The following SULF2 variants were observed in gnomAD, a reference collection of about 807,000 sequenced individuals.
SULF2 encodes extracellular sulfatase Sulf-2.
A neutral mutation model predicts 107.7 loss-of-function variants in SULF2; 52 were observed. The observed-to-expected ratio is 0.48, with a 90% CI of 0.39 to 0.61. The LOEUF is 0.61. Ranked by LOEUF, SULF2 falls within the 20% of genes least tolerant of loss-of-function variation. The probability of loss-of-function intolerance (pLI) is 0.00; values close to 1 mark genes in which losing one functional copy is unlikely to be tolerated. For synonymous variants in SULF2, 460 were observed against 464.3 expected, an observed-to-expected ratio of 0.99 and a Z score of 0.12; for missense variants, 993 against 1,177.3, an observed-to-expected ratio of 0.84 and a Z score of 2.29.
chr20:47,768,582 C>T (rs929708962), intron 1 of SULF2, among the ~76,000 whole-genome samples: 9 of 152,268 alleles, frequency 5.9e-5, no homozygotes, highest in Non-Finnish European at 1.3e-4. Context: ...CACGCTAGGC[C>T]TCCTTGGCCT....
chr20:47,781,620 T>C (rs2090834859), intron 1 of SULF2, among the ~76,000 whole-genome samples: 1 of 152,128 alleles, frequency 6.6e-6, no homozygotes, highest in South Asian at 2.1e-4. Flanking sequence ...ACCTAAGTTA[T>C]GGTAACAGTC....
chr20:47,659,328 A>G (rs982203621), intron 20 of SULF2, 71 bp downstream of exon 20: 22 of 1,409,310 alleles, frequency 1.6e-5, no homozygotes, highest in Admixed American at 3.4e-5. Context: ...ATGGCATGCA[A>G]ATAGAATAGC....
chr20:47,674,339 C>G (rs903166394), intron 10 of SULF2, among the ~76,000 whole-genome samples: 10 of 152,234 alleles, frequency 6.6e-5, no homozygotes, highest in Admixed American at 2.6e-4. Context: ...GAAGGTCCCG[C>G]AGCCCAACTA....
intron 18 of SULF2, chr20:47,661,334 TCA>T (rs2146381092): frequency 6.5e-6 from 1 of 152,834 alleles, no homozygotes; most frequent in South Asian, 2.1e-4. Flanking sequence ...CCTTCCCCAG[TCA>T]CACTGGATTC....
At position 47,757,343 on chromosome 20, in the gene SULF2, C is replaced by T. The variant is rs942732149; in HGVS notation, c.21G>A (p.Val7=). 1 of 1,599,764 alleles carries T rather than the reference C, an allele frequency of 6.3e-7. No homozygotes were observed. Among genetic ancestry groups the T allele is most frequent in the African/African-American group, 1.3e-5 (1 of 74,848 alleles). The stretch of plus-strand genomic sequence containing the variant: ...ACACAGTTGCGGACAGCAAGCACAG[C>T]ACGAGGCTCGGGGGGCCCATCTTCT... MGPPSL[V]LCLLSATVFS... is the part of the protein sequence containing the mutation. Residue 7 remains valine, a synonymous_variant, in exon 2 of 21, where the codon GTG becomes GTA. Transcript: ENST00000688720.
chr20:47,743,745 C>T (rs983601426), intron 2 of SULF2, among the ~76,000 whole-genome samples: 1 of 152,184 alleles, frequency 6.6e-6, no homozygotes, highest in Admixed American at 6.5e-5. Flanking sequence ...GATCCGGATG[C>T]TCACTCGCCC....
At chr20:47,685,653 T>G (rs968910082) in intron 5 of SULF2, 1 of 152,394 alleles carries the variant, frequency 6.6e-6, no homozygotes, top group Non-Finnish European at 1.5e-5. Context: ...TAGCTGGGAC[T>G]ACGGGCTTGT....
At chr20:47,703,539 A>G (rs1002274102) in intron 3 of SULF2, among the ~76,000 whole-genome samples, 2 of 152,200 alleles carry the variant, frequency 1.3e-5, no homozygotes, top group African/African-American at 4.8e-5. Context: ...ATGTGGGACA[A>G]CTTGAGCCCT....
intron 1 of SULF2, among the ~76,000 whole-genome samples, chr20:47,759,351 A>C (rs6512472): frequency 0.03 from 4,609 of 152,254 alleles, 240 homozygotes; most frequent in African/African-American, 0.1. Flanking sequence ...CGAATGGACA[A>C]GTCAAGCTTC....
chr20:47,684,464 C>G lies in SULF2; in HGVS notation c.855G>C (p.Gln285His). Reference sequence around the variant, plus strand: ...TGGAGTCGTCCACCGACATGAGGGTCTGCAAGCGCTTCCGCTGGAGCATGT... The same window carrying G: ...TGGAGTCGTCCACCGACATGAGGGTGTGCAAGCGCTTCCGCTGGAGCATGT... ...FTNMLQRKRL[Q>H]TLMSVDDSME... Residue 285 changes from glutamine (Q) to histidine (H), a missense_variant, in exon 6 of 21, where the codon CAG (glutamine) becomes CAC (histidine). Transcript: ENST00000688720. 6.2e-7 allele frequency: 1 copy of G among 1,613,608 alleles called. No homozygotes were observed. The highest frequency in any genetic ancestry group is 8.5e-7 in the Non-Finnish European group (1 of 1,179,774).
intron 1 of SULF2, among the ~76,000 whole-genome samples, chr20:47,785,107 C>A (rs2090900434): frequency 6.6e-6 from 1 of 151,980 alleles, no homozygotes; most frequent in South Asian, 2.1e-4. Flanking sequence ...CGCCAGCCAG[C>A]GGGGTCAAAC....
At chr20:47,668,029 G>A (rs531188516) in intron 11 of SULF2, among the ~76,000 whole-genome samples, 240 of 152,292 alleles carry the variant, frequency 1.6e-3, no homozygotes, top group African/African-American at 5.5e-3. Flanking sequence ...GCCTTCTCCT[G>A]GGCACTTCTC....
At chr20:47,780,578 G>C (rs1322731065) in intron 1 of SULF2, among the ~76,000 whole-genome samples, 1 of 151,860 alleles carries the variant, frequency 6.6e-6, no homozygotes, top group Non-Finnish European at 1.5e-5. Context: ...TTTTGAGACT[G>C]AGTCTCACTT....
intron 3 of SULF2, among the ~76,000 whole-genome samples, chr20:47,724,191 T>C (rs200728605): frequency 6.6e-6 from 1 of 152,240 alleles, no homozygotes; most frequent in East Asian, 1.9e-4. Context: ...TAGGAGGTTT[T>C]CAGCCGGAAG....
At chr20:47,732,611 G>A (rs11905725) in intron 3 of SULF2, among the ~76,000 whole-genome samples, 1 of 147,794 alleles carries the variant, frequency 6.8e-6, no homozygotes, top group Non-Finnish European at 1.5e-5. Context: ...GGAGGCCGAG[G>A]AGGGTGGATC....
At chr20:47,682,873 C>T (rs2087873708) in intron 7 of SULF2, 121 bp downstream of exon 7, 1 of 998,308 alleles carries the variant, frequency 1.0e-6, no homozygotes, top group South Asian at 1.7e-5. Flanking sequence ...TTCCGCTGGC[C>T]CTGGGGTACA....
At chr20:47,677,696 TCATTTC>T (rs1255235210) in intron 8 of SULF2, among the ~76,000 whole-genome samples, 2 of 152,212 alleles carry the variant, frequency 1.3e-5, no homozygotes, top group Non-Finnish European at 2.9e-5. Context: ...TGCCACCTGG[TCATTTC>T]CATTTCCTAG....
At chr20:47,786,523 A>C (rs1040839419), upstream of SULF2, 2 of 152,194 alleles carry the variant, frequency 1.3e-5, no homozygotes, top group Non-Finnish European at 2.9e-5. Context: ...GCTCAATCGC[A>C]GGGCAAACCG....
chr20:47,733,697 C>T (rs933540968), intron 3 of SULF2, among the ~76,000 whole-genome samples: 1 of 152,172 alleles, frequency 6.6e-6, no homozygotes, highest in Admixed American at 6.5e-5. Flanking sequence ...CGCTTGAACC[C>T]AGGAGGCAGA....
Sources: allele counts gnomAD v4.1 joint callset (sites outside exome capture counted in the v4.1 genomes callset), GRCh38; gene constraint gnomAD v4.1.1; transcripts MANE v1.5; gene names NCBI Gene and HGNC (gene_info 2026-07-23, HGNC 2026-07-21).